The following IFT25 variants were observed in gnomAD, a reference collection of about 807,000 sequenced individuals.
IFT25 encodes the protein intraflagellar transport 25.
the IFT25 span, among the ~76,000 whole-genome samples, chr1:53,945,296 T>C: frequency 6.6e-6 from 1 of 152,188 alleles, no homozygotes; most frequent in African/African-American, 2.4e-5. Flanking sequence ...TTACAACTGG[T>C]TTTCCCTTTT....
chr1:53,934,470 T>C, the IFT25 span, among the ~76,000 whole-genome samples: 19 of 152,348 alleles, frequency 1.2e-4, 1 homozygote, highest in East Asian at 2.1e-3. Flanking sequence ...TTGACTAAGA[T>C]ACAATGTCTG....
At chr1:53,915,137 C>T in the IFT25 span, among the ~76,000 whole-genome samples, 51 of 152,164 alleles carry the variant, frequency 3.4e-4, no homozygotes, top group African/African-American at 1.2e-3. Flanking sequence ...AATAAATGAA[C>T]GATGTTCACT....
At chr1:53,926,283 C>T in the IFT25 span, among the ~76,000 whole-genome samples, 748 of 151,746 alleles carry the variant, frequency 4.9e-3, 1 homozygote, top group Non-Finnish European at 8.3e-3. Flanking sequence ...GCAGCTGGGA[C>T]TACAGGTGCA....
At chr1:53,936,252 C>G in the IFT25 span, among the ~76,000 whole-genome samples, 1 of 152,134 alleles carries the variant, frequency 6.6e-6, no homozygotes, top group Non-Finnish European at 1.5e-5. Flanking sequence ...CGTGCCACTG[C>G]ACTCCAGCCT....
At chr1:53,940,560 A>C in the IFT25 span, among the ~76,000 whole-genome samples, 1 of 152,236 alleles carries the variant, frequency 6.6e-6, no homozygotes, top group Non-Finnish European at 1.5e-5. Context: ...TATTAAATTA[A>C]AAAAACAACT....
chr1:53,935,546 T>C, the IFT25 span, among the ~76,000 whole-genome samples: 1 of 152,156 alleles, frequency 6.6e-6, no homozygotes, highest in Non-Finnish European at 1.5e-5. Context: ...CACTGAATTG[T>C]ATATTCTAAA....
chr1:53,940,133 T>C, the IFT25 span: 1 of 1,054,872 alleles, frequency 9.5e-7, no homozygotes, highest in Non-Finnish European at 1.4e-6. Context: ...AGCAACTTCT[T>C]GATTCTCTAA....
the IFT25 span, among the ~76,000 whole-genome samples, chr1:53,926,668 T>C: frequency 6.6e-6 from 1 of 152,164 alleles, no homozygotes; most frequent in Non-Finnish European, 1.5e-5. Context: ...TTTAATGTCT[T>C]TGACTTACTG....
At chr1:53,919,254 CAG>C in the IFT25 span, among the ~76,000 whole-genome samples, 19 of 152,304 alleles carry the variant, frequency 1.2e-4, no homozygotes, top group African/African-American at 3.8e-4. Context: ...TGATGGCAAA[CAG>C]AGACTCAAAG....
At chr1:53,943,618 T>G in the IFT25 span, among the ~76,000 whole-genome samples, 3 of 152,134 alleles carry the variant, frequency 2.0e-5, no homozygotes, top group South Asian at 6.2e-4. Context: ...GTTGGAGATG[T>G]AGGGAGAGAA....
At chr1:53,942,293 C>T in the IFT25 span, among the ~76,000 whole-genome samples, 1 of 152,270 alleles carries the variant, frequency 6.6e-6, no homozygotes, top group East Asian at 1.9e-4. Context: ...TGCCTGTGAG[C>T]CATATCTAGC....
At chr1:53,919,784 A>C in the IFT25 span, among the ~76,000 whole-genome samples, 1 of 148,938 alleles carries the variant, frequency 6.7e-6, no homozygotes, top group Non-Finnish European at 1.5e-5. Flanking sequence ...ATGCAAATCA[A>C]TAACTTTTTT....
chr1:53,915,955 T>C, the IFT25 span, among the ~76,000 whole-genome samples: 910 of 152,246 alleles, frequency 6.0e-3, 9 homozygotes, highest in African/African-American at 0.021. Context: ...GAGGCCAAGG[T>C]AGGAGGATCC....
chr1:53,928,768 T>C, the IFT25 span: 909 of 230,234 alleles, frequency 3.9e-3, 4 homozygotes, highest in African/African-American at 0.019. Flanking sequence ...GGAGAGCCTA[T>C]GATGAGTCAA....
the IFT25 span, chr1:53,916,926 G>A: frequency 2.7e-6 from 1 of 371,400 alleles, no homozygotes; most frequent in Non-Finnish European, 4.8e-6. Flanking sequence ...CAGATCACCT[G>A]AGGTCTGGAG....
chr1:53,931,259 C>G, the IFT25 span, among the ~76,000 whole-genome samples: 2 of 152,172 alleles, frequency 1.3e-5, no homozygotes, highest in African/African-American at 4.8e-5. Flanking sequence ...TATTCTTGTA[C>G]AAGTGCTTGT....
the IFT25 span, among the ~76,000 whole-genome samples, chr1:53,925,360 T>G: frequency 6.6e-6 from 1 of 152,064 alleles, no homozygotes; most frequent in Non-Finnish European, 1.5e-5. Context: ...TTTTTAGTTA[T>G]GAAAAATTGA....
the IFT25 span, among the ~76,000 whole-genome samples, chr1:53,926,389 C>T: frequency 1.3e-5 from 2 of 152,176 alleles, no homozygotes; most frequent in Admixed American, 1.3e-4. Context: ...TGAGATCAAA[C>T]GATCCGCCCA....
chr1:53,936,773 TTTGC>T, the IFT25 span, among the ~76,000 whole-genome samples: 901 of 152,194 alleles, frequency 5.9e-3, 7 homozygotes, highest in African/African-American at 0.021. Context: ...TCTTTTTTAC[TTTGC>T]TTTTTTTTTT....
Sources: gnomAD v4.1 joint callset for allele counts (sites outside exome capture counted in the v4.1 genomes callset) on GRCh38, gnomAD v4.1.1 for gene constraint, MANE v1.5 for transcripts, NCBI Gene and HGNC (gene_info 2026-07-23, HGNC 2026-07-21) for gene names.